Variants in FAM78B observed in about 807,000 individuals in gnomAD.
FAM78B encodes family with sequence similarity 78 member B.
A neutral mutation model predicts 20.0 loss-of-function variants in FAM78B; 10 were observed. The ratio of observed to expected loss-of-function variants is 0.50; its 90% CI spans 0.31 to 0.85. The LOEUF is 0.85. Among genes scored for constraint, FAM78B ranks in the 40% least tolerant of loss-of-function variants. FAM78B has a pLI of 0.05. For synonymous variants in FAM78B, 135 were observed against 132.8 expected (o/e 1.02, Z -0.12); for missense variants, 283 against 345.0 (o/e 0.82, Z 1.42).
downstream of FAM78B, among the ~76,000 whole-genome samples, chr1:166,067,613 G>A (rs1651849439): frequency 2.0e-5 from 3 of 152,132 alleles, no homozygotes; most frequent in South Asian, 6.2e-4. Flanking sequence ...TCCTGACTAA[G>A]CTGAAAGATA....
chr1:166,141,856 C>T (rs1655291890), intron 1 of FAM78B, among the ~76,000 whole-genome samples: 1 of 152,168 alleles, frequency 6.6e-6, no homozygotes, highest in Admixed American at 6.5e-5. Flanking sequence ...AGGGACAGTG[C>T]TCTGGGATGG....
At chr1:166,086,515 A>T (rs1047131671) in intron 1 of FAM78B, among the ~76,000 whole-genome samples, 2 of 152,180 alleles carry the variant, frequency 1.3e-5, no homozygotes, top group African/African-American at 4.8e-5. Context: ...GGGCAGAGGG[A>T]GGCAGACACA....
intron 1 of FAM78B, among the ~76,000 whole-genome samples, chr1:166,090,798 A>T (rs570720330): frequency 6.6e-6 from 1 of 152,292 alleles, no homozygotes; most frequent in East Asian, 1.9e-4. Flanking sequence ...CAGCAGCAAA[A>T]GCCATCTGGC....
chr1:166,152,293 A>G (rs571012428), intron 1 of FAM78B, among the ~76,000 whole-genome samples: 1 of 152,318 alleles, frequency 6.6e-6, no homozygotes, highest in Admixed American at 6.5e-5. Context: ...GGATGGGAGC[A>G]GCTGCTAACC....
At chr1:166,097,150 G>C (rs897914841) in intron 1 of FAM78B, among the ~76,000 whole-genome samples, 5 of 152,298 alleles carry the variant, frequency 3.3e-5, no homozygotes, top group Non-Finnish European at 7.3e-5. Context: ...ACTTTACCTG[G>C]AGCTGAGTCA....
chr1:166,066,930 C>T (rs1050073698), downstream of FAM78B, among the ~76,000 whole-genome samples: 94 of 150,948 alleles, frequency 6.2e-4, no homozygotes, highest in African/African-American at 2.1e-3. Flanking sequence ...ACAGCAATGA[C>T]CCAGGAATGT....
At chr1:166,071,737 A>G (rs1652040829) in intron 1 of FAM78B, among the ~76,000 whole-genome samples, 1 of 152,354 alleles carries the variant, frequency 6.6e-6, no homozygotes, top group Admixed American at 6.5e-5. Context: ...TACATGACAA[A>G]GGTCCTAAAG....
At chr1:166,164,906 A>G (rs1294832282) in intron 1 of FAM78B, 1 of 152,246 alleles carries the variant, frequency 6.6e-6, no homozygotes, top group Non-Finnish European at 1.5e-5. Context: ...ACATTGTAAC[A>G]GCAGGTAGAA....
chr1:166,096,730 T>C (rs373001979), intron 1 of FAM78B, among the ~76,000 whole-genome samples: 164 of 152,322 alleles, frequency 1.1e-3, no homozygotes, highest in African/African-American at 3.7e-3. Context: ...ATACCTACTA[T>C]GGCAGCTATG....
intron 1 of FAM78B, among the ~76,000 whole-genome samples, chr1:166,086,595 G>A (rs1652842022): frequency 6.6e-6 from 1 of 152,208 alleles, no homozygotes; most frequent in Non-Finnish European, 1.5e-5. Flanking sequence ...AGAGTTTATT[G>A]TTTTCATTAA....
At chr1:166,141,686 G>A (rs937973255) in intron 1 of FAM78B, among the ~76,000 whole-genome samples, 1 of 152,212 alleles carries the variant, frequency 6.6e-6, no homozygotes, top group Non-Finnish European at 1.5e-5. Flanking sequence ...ACGTATCTAT[G>A]TGAGGCCTGT....
chr1:166,159,892 A>G (rs1656078021), intron 1 of FAM78B, among the ~76,000 whole-genome samples: 1 of 152,200 alleles, frequency 6.6e-6, no homozygotes. Flanking sequence ...TCTTTTGCAG[A>G]GATGGAGGAG....
intron 1 of FAM78B, among the ~76,000 whole-genome samples, chr1:166,106,722 G>T (rs1043694380): frequency 6.6e-6 from 1 of 152,128 alleles, no homozygotes; most frequent in African/African-American, 2.4e-5. Context: ...CTACTTGGAG[G>T]GGGAGAGAGG....
chr1:166,109,804 A>ATG (rs1198945987), intron 1 of FAM78B, among the ~76,000 whole-genome samples: 2 of 43,798 alleles, frequency 4.6e-5, no homozygotes, highest in Admixed American at 6.3e-4. Context: ...TGTGATATAT[A>ATG]TGTATATATG....
intron 1 of FAM78B, among the ~76,000 whole-genome samples, chr1:166,129,443 C>T (rs915959156): frequency 6.6e-6 from 1 of 152,176 alleles, no homozygotes; most frequent in Non-Finnish European, 1.5e-5. Flanking sequence ...ATTCAAGAAG[C>T]CCATCTCTGC....
At chr1:166,118,814 G>A (rs1272468828) in intron 1 of FAM78B, among the ~76,000 whole-genome samples, 1 of 152,120 alleles carries the variant, frequency 6.6e-6, no homozygotes, top group African/African-American at 2.4e-5. Context: ...ACTGAGTTGT[G>A]GCAAGAACCA....
chr1:166,058,426 C>G (rs1651436262), exon 3 of FAM78B: 1 of 151,892 alleles, frequency 6.6e-6, no homozygotes, highest in South Asian at 2.1e-4. Context: ...CAATGCTTGC[C>G]CCGGGAAATT....
intron 1 of FAM78B, among the ~76,000 whole-genome samples, chr1:166,149,225 C>T (rs1403070213): frequency 6.6e-6 from 1 of 151,550 alleles, no homozygotes; most frequent in Non-Finnish European, 1.5e-5. Context: ...GCACATGTAC[C>T]CTAAAACTTA....
chr1:166,110,135 G>A (rs1005881810), intron 1 of FAM78B, among the ~76,000 whole-genome samples: 5 of 151,084 alleles, frequency 3.3e-5, no homozygotes, highest in African/African-American at 9.7e-5. Flanking sequence ...AGAGGAGAGA[G>A]GGATAGAAGA....
Sources: allele counts gnomAD v4.1 joint callset (sites outside exome capture counted in the v4.1 genomes callset), GRCh38; gene constraint gnomAD v4.1.1; transcripts MANE v1.5; gene names NCBI Gene and HGNC (gene_info 2026-07-23, HGNC 2026-07-21).